The following SEMA3E variants were observed in gnomAD, a reference collection of about 807,000 sequenced individuals.
SEMA3E encodes semaphorin 3E, also known as semaphorin-3E.
A neutral mutation model predicts 93.6 loss-of-function variants in SEMA3E; 49 were observed. The ratio of observed to expected loss-of-function variants is 0.52; its 90% CI spans 0.42 to 0.66. The LOEUF (loss-of-function observed/expected upper bound fraction) is 0.66, where lower values mean the gene tolerates loss of function less well. Ranked by LOEUF, SEMA3E falls within the 30% of genes least tolerant of loss-of-function variation. The pLI, the probability that SEMA3E is intolerant of heterozygous loss-of-function variation, is 0.00. For missense variants in SEMA3E, 906 were observed against 964.8 expected, an observed-to-expected ratio of 0.94 and a Z score of 0.81; for synonymous variants, 363 against 330.7, an observed-to-expected ratio of 1.10 and a Z score of -1.06.
At chr7:83,516,716 C>T (rs1305449522) in intron 1 of SEMA3E, among the ~76,000 whole-genome samples, 2 of 152,096 alleles carry the variant, frequency 1.3e-5, no homozygotes, top group Admixed American at 1.3e-4. Context: ...TAATATTCAA[C>T]ATTAGTGGAG....
chr7:83,450,385 A>G (rs542895578), intron 4 of SEMA3E, among the ~76,000 whole-genome samples: 1 of 147,450 alleles, frequency 6.8e-6, no homozygotes, highest in South Asian at 2.3e-4. Context: ...AAAAGTGGGA[A>G]AGTAAATTGT....
chr7:83,506,759 A>G (rs1319154408), intron 1 of SEMA3E, among the ~76,000 whole-genome samples: 2 of 152,172 alleles, frequency 1.3e-5, no homozygotes, highest in African/African-American at 4.8e-5. Flanking sequence ...GGCAAATGTG[A>G]ACACCTTTCC....
At chr7:83,469,398 C>CTTTTTTT (rs10650403) in intron 2 of SEMA3E, 96 bp from the exon 3 acceptor site, 119 of 599,728 alleles carry the variant, frequency 2.0e-4, no homozygotes, top group South Asian at 4.3e-4. Flanking sequence ...AAAACATTTC[C>CTTTTTTT]TTTTTTTTTT....
At chr7:83,535,203 A>C (rs1373898220) in intron 1 of SEMA3E, among the ~76,000 whole-genome samples, 1 of 152,118 alleles carries the variant, frequency 6.6e-6, no homozygotes, top group Non-Finnish European at 1.5e-5. Flanking sequence ...CTCATCAAAG[A>C]GTTTCATAGC....
At chr7:83,634,992 A>C (rs1793854394) in intron 1 of SEMA3E, among the ~76,000 whole-genome samples, 1 of 152,074 alleles carries the variant, frequency 6.6e-6, no homozygotes, top group Non-Finnish European at 1.5e-5. Context: ...TATTCTAAGA[A>C]TATACCATAT....
At chr7:83,647,939 G>A (rs1794100476) in intron 1 of SEMA3E, among the ~76,000 whole-genome samples, 1 of 151,912 alleles carries the variant, frequency 6.6e-6, no homozygotes, top group South Asian at 2.1e-4. Context: ...TTCTCCTCGG[G>A]ATTTTTATTT....
At chr7:83,423,062 CAGA>C (rs567564978) in intron 4 of SEMA3E, among the ~76,000 whole-genome samples, 176 of 152,218 alleles carry the variant, frequency 1.2e-3, no homozygotes, top group Non-Finnish European at 2.0e-3. Context: ...GTTCAACTCT[CAGA>C]AGAAGTTGAT....
chr7:83,477,481 A>G (rs965120594), intron 2 of SEMA3E, among the ~76,000 whole-genome samples: 5 of 152,148 alleles, frequency 3.3e-5, no homozygotes, highest in African/African-American at 7.2e-5. Flanking sequence ...TTAACCTGAC[A>G]CACATTATCT....
chr7:83,501,113 C>T (rs376808229), intron 1 of SEMA3E, among the ~76,000 whole-genome samples: 2 of 152,140 alleles, frequency 1.3e-5, no homozygotes, highest in Non-Finnish European at 2.9e-5. Context: ...TATACATTTA[C>T]ATCATATTCT....
At chr7:83,576,160 T>C (rs543607369) in intron 1 of SEMA3E, among the ~76,000 whole-genome samples, 171 of 152,220 alleles carry the variant, frequency 1.1e-3, no homozygotes, top group Non-Finnish European at 2.1e-3. Flanking sequence ...TTGTTTCTCA[T>C]AGCCGGCATC....
chr7:83,552,756 C>T (rs6972771), intron 1 of SEMA3E, among the ~76,000 whole-genome samples: 5 of 152,000 alleles, frequency 3.3e-5, no homozygotes, highest in South Asian at 2.1e-4. Flanking sequence ...ACTAGGGTGG[C>T]GAAAAACTCC....
intron 1 of SEMA3E, among the ~76,000 whole-genome samples, chr7:83,608,497 T>A (rs781577678): frequency 6.6e-6 from 1 of 152,176 alleles, no homozygotes; most frequent in Non-Finnish European, 1.5e-5. Flanking sequence ...ACATTTTATA[T>A]CATTGAATTT....
intron 1 of SEMA3E, among the ~76,000 whole-genome samples, chr7:83,503,389 A>C (rs1488968470): frequency 6.6e-6 from 1 of 152,154 alleles, no homozygotes; most frequent in Non-Finnish European, 1.5e-5. Context: ...TATACAAAGC[A>C]TCTCTAGTTT....
At chr7:83,594,063 A>T (rs1318243330) in intron 1 of SEMA3E, among the ~76,000 whole-genome samples, 1 of 152,166 alleles carries the variant, frequency 6.6e-6, no homozygotes, top group Non-Finnish European at 1.5e-5. Flanking sequence ...TATCACCAGC[A>T]TCTTTAGTAT....
intron 4 of SEMA3E, among the ~76,000 whole-genome samples, chr7:83,418,891 T>A (rs199631061): frequency 5.4e-5 from 2 of 36,996 alleles, no homozygotes; most frequent in African/African-American, 9.7e-5. Context: ...TTGATTTTTT[T>A]ATAAATTAGA....
At chr7:83,633,841 G>A (rs1434259202) in intron 1 of SEMA3E, among the ~76,000 whole-genome samples, 1 of 152,110 alleles carries the variant, frequency 6.6e-6, no homozygotes, top group Non-Finnish European at 1.5e-5. Context: ...GAGCTTGGCT[G>A]GGGAGTCCCA....
intron 1 of SEMA3E, among the ~76,000 whole-genome samples, chr7:83,638,575 T>G (rs1481605399): frequency 6.6e-6 from 1 of 152,280 alleles, no homozygotes; most frequent in Non-Finnish European, 1.5e-5. Context: ...TTATATTTAA[T>G]ACAAAAATAT....
At chr7:83,464,601 C>A (rs1377072517) in intron 4 of SEMA3E, among the ~76,000 whole-genome samples, 1 of 145,478 alleles carries the variant, frequency 6.9e-6, no homozygotes, top group Non-Finnish European at 1.5e-5. Context: ...AATCAGATAT[C>A]CTGAGTAGTC....
chr7:83,427,647 T>A (rs1437039616), intron 4 of SEMA3E, among the ~76,000 whole-genome samples: 1 of 152,146 alleles, frequency 6.6e-6, no homozygotes, highest in Non-Finnish European at 1.5e-5. Flanking sequence ...ATTTTGAGAG[T>A]TCATTGTGGT....
Sources: allele counts gnomAD v4.1 joint callset (sites outside exome capture counted in the v4.1 genomes callset), GRCh38; gene constraint gnomAD v4.1.1; transcripts MANE v1.5; gene names NCBI Gene and HGNC (gene_info 2026-07-23, HGNC 2026-07-21).